The following ALG2 variants were observed in gnomAD, a reference collection of about 807,000 sequenced individuals.
The protein encoded by ALG2 is alpha-1,3/1,6-mannosyltransferase ALG2.
In ALG2, 32 loss-of-function variants were observed where a neutral mutation model predicts 30.5. That is an observed-to-expected ratio of 1.05 (90% CI 0.79 to 1.41). The LOEUF is 1.41. Ranked by LOEUF, ALG2 falls within the 40% of genes most tolerant of loss-of-function variation. The probability of loss-of-function intolerance (pLI) is 0.00; values close to 1 mark genes in which losing one functional copy is unlikely to be tolerated. For synonymous variants in ALG2, 253 were observed against 224.8 expected (o/e 1.13, Z -1.12); for missense variants, 574 against 526.4 (o/e 1.09, Z -0.88).
chr9:99,217,387 T>G lies in ALG2; in HGVS notation c.*547A>C, dbSNP rs1286917631. 1 of 454,058 alleles carries G rather than the reference T, an allele frequency of 2.2e-6. No homozygotes were observed. The highest frequency in any genetic ancestry group is 2.3e-5 in the Admixed American group (1 of 42,568). 28.1% of individuals were successfully genotyped at this position (454,058 alleles called of 1,614,324 possible). A position where few individuals can be genotyped will look rare whatever the true frequency, so the allele number is the denominator to read the frequency against. Reference sequence around the variant, plus strand: ...TCTTTTTTATGATAAACACCTTTTATTATATCTCAGTGTGCAAAAATACAA... The same window carrying G: ...TCTTTTTTATGATAAACACCTTTTAGTATATCTCAGTGTGCAAAAATACAA... On this transcript the variant is annotated 3_prime_UTR_variant, in exon 2 of 2. Coordinates refer to ENST00000476832, the MANE Select transcript of ALG2 (RefSeq NM_033087.4).
intron 1 of ALG2, among the ~76,000 whole-genome samples, chr9:99,219,659 T>C (rs79372086): frequency 0.055 from 8,340 of 152,360 alleles, 309 homozygotes; most frequent in Non-Finnish European, 0.079. Flanking sequence ...CTGGCATTAC[T>C]ACAGACTTTC....
chr9:99,217,999 C>G lies in ALG2; in HGVS notation c.1186G>C (p.Glu396Gln). ...MGLAGRARVK[E>Q]KFSPEAFTEQ... is the part of the protein sequence containing the mutation. ...GTAAATGCTTCAGGGGAAAATTTTTCCTTCACTCTGGCTCTTCCAGCCAGG... is the reference window on the plus strand; with the variant it reads ...GTAAATGCTTCAGGGGAAAATTTTTGCTTCACTCTGGCTCTTCCAGCCAGG... The change falls in exon 2 of 2, where the codon GAA (glutamate) becomes CAA (glutamine). Residue 396 changes from glutamate (E) to glutamine (Q), a missense_variant. Glu to Gln is a conservative substitution (Grantham distance 29). Coordinates refer to ENST00000476832, the MANE Select transcript of ALG2 (RefSeq NM_033087.4). 1 of 1,614,172 alleles carries G rather than the reference C, an allele frequency of 6.2e-7. No individual in the cohort carries two copies. Among genetic ancestry groups the G allele is most frequent in the Non-Finnish European group, 8.5e-7 (1 of 1,180,034 alleles).
At chr9:99,220,814 G>A (rs1828781681) in intron 1 of ALG2, among the ~76,000 whole-genome samples, 1 of 152,192 alleles carries the variant, frequency 6.6e-6, no homozygotes, top group Admixed American at 6.5e-5. Flanking sequence ...GCTATCTTCA[G>A]GGAGTAGAAT....
chr9:99,221,284 A>C, intron 1 of ALG2: 1 of 1,017,810 alleles, frequency 9.8e-7, no homozygotes. Context: ...CCTATGACCC[A>C]GTTAAAATGC....
intron 1 of ALG2, 65 bp downstream of exon 1, chr9:99,221,482 C>G: frequency 6.7e-7 from 1 of 1,496,278 alleles, no homozygotes; most frequent in Non-Finnish European, 9.0e-7. Context: ...TCTCAGGGGT[C>G]ATGCCCGCGG....
rs1402360454 is a variant in ALG2, at chr9:99,221,740, G to A, written c.155C>T (p.Ala52Val). Reference protein sequence around the residue: ...ARGCSVKIWTAHYDPGHCFAE... With the variant: ...ARGCSVKIWTVHYDPGHCFAE... ...GAAACAGTGGCCCGGGTCGTAGTGC[G>A]CTGTCCAGATCTTCACGCTACACCC... The change falls in exon 1 of 2, where the codon GCG becomes GTG. Residue 52 changes from alanine to valine, a missense_variant. Ala to Val is a moderately conservative substitution (Grantham distance 64). Coordinates refer to ENST00000476832, the MANE Select transcript of ALG2 (RefSeq NM_033087.4). 4.4e-6 allele frequency: 7 copies of A among 1,598,702 alleles called. 1 individual carries two copies. In the Middle Eastern group the frequency reaches 6.7e-4, roughly 153 times the overall value.
At chr9:99,220,827 G>A (rs924054590) in intron 1 of ALG2, among the ~76,000 whole-genome samples, 4 of 152,190 alleles carry the variant, frequency 2.6e-5, no homozygotes, top group African/African-American at 4.8e-5. Flanking sequence ...AGTAGAATAG[G>A]ACGGGGCTTT....
At chr9:99,219,520 T>C (rs1588619454) in intron 1 of ALG2, among the ~76,000 whole-genome samples, 1 of 152,230 alleles carries the variant, frequency 6.6e-6, no homozygotes, top group Non-Finnish European at 1.5e-5. Flanking sequence ...TGACAAATTA[T>C]AGTTCAAAAA....
intron 1 of ALG2, among the ~76,000 whole-genome samples, 177 bp from the exon 2 acceptor site, chr9:99,219,013 C>A (rs975745864): frequency 6.6e-6 from 1 of 152,162 alleles, no homozygotes; most frequent in Non-Finnish European, 1.5e-5. Flanking sequence ...CAGAAGGCTA[C>A]AGACGTTTGC....
Position 99,217,591 on chromosome 9 carries a change from T to G in ALG2, c.*343A>C. On this transcript the variant is annotated 3_prime_UTR_variant, in exon 2 of 2. Transcript: ENST00000476832. ...ATCAACTTTGATAATGATACACACT[T>G]AAACTATGAAAACCAATTAAGGCAC... 1 of 467,946 alleles carries G rather than the reference T, an allele frequency of 2.1e-6. No individual in the cohort carries two copies. The highest frequency in any genetic ancestry group is 1.5e-5 in the South Asian group (1 of 64,600). 29.0% of individuals were successfully genotyped at this position (467,946 alleles called of 1,614,324 possible).
chr9:99,220,419 T>C (rs1354566363), intron 1 of ALG2, among the ~76,000 whole-genome samples: 18 of 152,136 alleles, frequency 1.2e-4, no homozygotes, highest in Admixed American at 1.2e-3. Flanking sequence ...ATGCCTGTAA[T>C]CCCAGCACTT....
Position 99,221,461 on chromosome 9 carries a change from G to A in ALG2, c.348+86C>T, listed in dbSNP as rs1828799033. The A allele has an allele frequency of 1.0e-5, 14 of 1,395,734 alleles. No homozygotes were observed. In the East Asian group the frequency reaches 1.2e-4, roughly 12 times the overall value. The allele number at this position is 1,395,734 out of a possible 1,614,324, so 86.5% of individuals were successfully genotyped here. A position where few individuals can be genotyped will look rare whatever the true frequency, so the allele number is the denominator to read the frequency against. On this transcript the variant is annotated intron_variant, in intron 1 of 1. Transcript: ENST00000476832. Reference sequence around the variant, plus strand: ...TCCGATCTTTGCGAACCGCAGACAGGGAAGGTCTTCTCTCAGGGGTCATGC... The same window carrying A: ...TCCGATCTTTGCGAACCGCAGACAGAGAAGGTCTTCTCTCAGGGGTCATGC...
Position 99,218,745 on chromosome 9 carries a change from C to G in ALG2, c.440G>C (p.Arg147Thr). Residue 147 changes from arginine (R) to threonine (T), a missense_variant, in exon 2 of 2, where the codon AGA becomes ACA. Transcript: ENST00000476832. ...CHFPDLLLTK[R>T]DSFLKRLYRA... ...GTATAGTCGTTTAAGAAAAGAATCT[C>G]TCTTGGTGAGAAGCAGATCTGGGAA... 1 of 1,614,084 alleles carries G rather than the reference C, an allele frequency of 6.2e-7. No individual in the cohort carries two copies. The highest frequency in any genetic ancestry group is 8.5e-7 in the Non-Finnish European group (1 of 1,180,030).
Position 99,217,126 on chromosome 9 carries a change from T to C in ALG2, c.*808A>G, listed in dbSNP as rs777002843. 2.4e-5 allele frequency: 11 copies of C among 453,962 alleles called. No individual in the cohort carries two copies. Among genetic ancestry groups the C allele is most frequent in the Admixed American group, 1.2e-4 (5 of 42,544 alleles). The allele number at this position is 453,962 out of a possible 1,614,324, so 28.1% of individuals were successfully genotyped here. A position where few individuals can be genotyped will look rare whatever the true frequency, so the allele number is the denominator to read the frequency against. ...CCAGGCCTTGGAAGATAAAAAACAT[T>C]TGTGTCCTATACTTAGTAGGAGCTT... On this transcript the variant is annotated 3_prime_UTR_variant, in exon 2 of 2. Coordinates refer to ENST00000476832, the MANE Select transcript of ALG2 (RefSeq NM_033087.4).
At position 99,217,679 on chromosome 9, in the gene ALG2, C is replaced by T; in HGVS notation, c.*255G>A. 1.6e-6 allele frequency: 1 copy of T among 609,022 alleles called. No homozygotes were observed. The highest frequency in any genetic ancestry group is 3.6e-5 in the East Asian group (1 of 28,108). The allele number at this position is 609,022 out of a possible 1,614,324, so 37.7% of individuals were successfully genotyped here. On this transcript the variant is annotated 3_prime_UTR_variant, in exon 2 of 2. Coordinates refer to ENST00000476832, the MANE Select transcript of ALG2 (RefSeq NM_033087.4). ...CCCGAGAAAATATAATTAAAATACT[C>T]TGCTGAACATGGAATGACACCACAT...
rs1342048696 is a variant in ALG2, at chr9:99,216,872, T to C, written c.*1062A>G. 1 of 454,016 alleles carries C rather than the reference T, an allele frequency of 2.2e-6. No homozygotes were observed. The highest frequency in any genetic ancestry group is 4.4e-6 in the Non-Finnish European group (1 of 226,802). The allele number at this position is 454,016 out of a possible 1,614,324, so 28.1% of individuals were successfully genotyped here. ...TTAAGAGTTGATAAATGTGGAGCCT[T>C]TGGCTAGTAAGCTTTGCTACTTCTG... On this transcript the variant is annotated 3_prime_UTR_variant, in exon 2 of 2. Coordinates refer to ENST00000476832, the MANE Select transcript of ALG2 (RefSeq NM_033087.4).
intron 1 of ALG2, chr9:99,221,288 A>C (rs1828795533): frequency 9.9e-7 from 1 of 1,008,086 alleles, no homozygotes; most frequent in South Asian, 1.7e-5. Flanking sequence ...TGACCCAGTT[A>C]AAATGCAGAT....
At position 99,217,323 on chromosome 9, in the gene ALG2, T is replaced by C; in HGVS notation, c.*611A>G. 2.2e-6 allele frequency: 1 copy of C among 454,134 alleles called. No individual in the cohort carries two copies. Among genetic ancestry groups the C allele is most frequent in the Non-Finnish European group, 4.4e-6 (1 of 226,796 alleles). The allele number at this position is 454,134 out of a possible 1,614,324, so 28.1% of individuals were successfully genotyped here. A position where few individuals can be genotyped will look rare whatever the true frequency, so the allele number is the denominator to read the frequency against. On this transcript the variant is annotated 3_prime_UTR_variant, in exon 2 of 2. Transcript: ENST00000476832. Reference sequence around the variant, plus strand: ...GTTGTCATATCCATGTTCGTAACAATACCAAAATAGATTATGGAGACCAAA... The same window carrying C: ...GTTGTCATATCCATGTTCGTAACAACACCAAAATAGATTATGGAGACCAAA...
Position 99,218,714 on chromosome 9 carries a change from G to A in ALG2, c.471C>T (p.Ala157=). 1 of 1,614,092 alleles carries A rather than the reference G, an allele frequency of 6.2e-7. No individual in the cohort carries two copies. Among genetic ancestry groups the A allele is most frequent in the Non-Finnish European group, 8.5e-7 (1 of 1,180,028 alleles). ...RDSFLKRLYR[A]PIDWIEEYTT... ...TGTATTCCTCTATCCAGTCAATTGG[G>A]GCCCTGTATAGTCGTTTAAGAAAAG... is the stretch of plus-strand genomic sequence containing the variant. The change falls in exon 2 of 2, where the codon GCC becomes GCT. Residue 157 remains alanine, a synonymous_variant. Transcript: ENST00000476832.
Sources: gnomAD v4.1 joint callset for allele counts (sites outside exome capture counted in the v4.1 genomes callset) on GRCh38, gnomAD v4.1.1 for gene constraint, MANE v1.5 for transcripts, NCBI Gene and HGNC (gene_info 2026-07-23, HGNC 2026-07-21) for gene names.